UHRF2: variants seen among roughly 807,000 people sequenced by gnomAD.
The protein encoded by UHRF2 is E3 ubiquitin-protein ligase UHRF2.
A neutral mutation model predicts 96.8 loss-of-function variants in UHRF2; 23 were observed. That is an observed-to-expected ratio of 0.24 (90% CI 0.17 to 0.34). The LOEUF (loss-of-function observed/expected upper bound fraction) is 0.34. UHRF2 is among the 10% of genes least tolerant of loss of function. The pLI is 1.00. For missense variants in UHRF2, 685 were observed against 981.5 expected, an observed-to-expected ratio of 0.70 and a Z score of 4.04; for synonymous variants, 385 against 332.6, an observed-to-expected ratio of 1.16 and a Z score of -1.72.
chr9:6,437,262 T>A (rs1170245055), intron 3 of UHRF2, among the ~76,000 whole-genome samples: 1 of 152,234 alleles, frequency 6.6e-6, no homozygotes, highest in Non-Finnish European at 1.5e-5. Flanking sequence ...AGACAGAGTC[T>A]CGTTCTGTTG....
intron 3 of UHRF2, among the ~76,000 whole-genome samples, chr9:6,435,842 C>T (rs1273925691): frequency 6.6e-6 from 1 of 152,130 alleles, no homozygotes; most frequent in Non-Finnish European, 1.5e-5. Flanking sequence ...CTCCTGACCT[C>T]AAGTGATCCA....
chr9:6,434,281 G>A, intron 3 of UHRF2, 108 bp downstream of exon 3: 2 of 1,335,806 alleles, frequency 1.5e-6, no homozygotes, highest in Non-Finnish European at 2.0e-6. Flanking sequence ...ATCCTTTAGA[G>A]GTTATGTTCA....
chr9:6,461,118 A>G (rs1344818359), intron 4 of UHRF2, among the ~76,000 whole-genome samples: 1 of 152,174 alleles, frequency 6.6e-6, no homozygotes, highest in Non-Finnish European at 1.5e-5. Flanking sequence ...TATAATTGCT[A>G]TGAGGATCTG....
intron 1 of UHRF2, among the ~76,000 whole-genome samples, chr9:6,416,193 A>G (rs1033986612): frequency 6.6e-6 from 1 of 151,996 alleles, no homozygotes; most frequent in African/African-American, 2.4e-5. Context: ...TCTCCCAAGT[A>G]GCTGGGACTA....
intron 4 of UHRF2, among the ~76,000 whole-genome samples, chr9:6,464,785 AG>A (rs1180439410): frequency 2.0e-5 from 3 of 152,046 alleles, no homozygotes; most frequent in Non-Finnish European, 4.4e-5. Flanking sequence ...TCTTTGTATC[AG>A]TTCCACACTT....
intron 12 of UHRF2, chr9:6,499,184 A>G (rs1007430905): frequency 5.3e-5 from 8 of 152,252 alleles, no homozygotes; most frequent in African/African-American, 1.9e-4. Context: ...AGTAATAGTC[A>G]TTGAGGCCTG....
rs113880101 is a variant in UHRF2 at position 6,506,212 on chromosome 9, C to T, written c.*33C>T. 1.2e-6 allele frequency: 2 copies of T among 1,608,636 alleles called. No individual in the cohort carries two copies. The highest frequency in any genetic ancestry group is 1.7e-6 in the Non-Finnish European group (2 of 1,176,854). On this transcript the variant is annotated 3_prime_UTR_variant, in exon 16 of 16. Coordinates refer to ENST00000276893, the MANE Select transcript of UHRF2 (RefSeq NM_152896.3). Reference sequence around the variant, plus strand: ...GCTTTCACTGTGTTGTTCATGGTGGCTTTTTGGACAATAAAGAATCTAAAA... The same window carrying T: ...GCTTTCACTGTGTTGTTCATGGTGGTTTTTTGGACAATAAAGAATCTAAAA...
At chr9:6,446,033 C>G (rs533980838) in intron 3 of UHRF2, among the ~76,000 whole-genome samples, 2 of 136,230 alleles carry the variant, frequency 1.5e-5, no homozygotes, top group East Asian at 5.1e-4. Context: ...ACTCCCGTCA[C>G]CCAGGCAGGA....
chr9:6,429,828 G>T (rs1820470680), intron 2 of UHRF2, among the ~76,000 whole-genome samples: 1 of 152,170 alleles, frequency 6.6e-6, no homozygotes, highest in South Asian at 2.1e-4. Flanking sequence ...GATAGATGAA[G>T]AACTTGAACC....
chr9:6,493,535 T>A (rs1250439067), intron 9 of UHRF2, among the ~76,000 whole-genome samples: 2 of 152,204 alleles, frequency 1.3e-5, no homozygotes, highest in African/African-American at 4.8e-5. Flanking sequence ...CATAAGACCT[T>A]ACCTTGTTTG....
intron 9 of UHRF2, 25 bp downstream of exon 9, chr9:6,486,950 A>C (rs763626885): frequency 2.1e-4 from 341 of 1,598,400 alleles, no homozygotes; most frequent in Non-Finnish European, 2.7e-4. Flanking sequence ...AACCTTACTC[A>C]TTAGTACCTG....
intron 13 of UHRF2, 134 bp from the exon 14 acceptor site, chr9:6,500,418 T>C: frequency 1.4e-6 from 1 of 710,100 alleles, no homozygotes; most frequent in Non-Finnish European, 2.2e-6. Flanking sequence ...TCCTAAATTT[T>C]AGGGGAAATT....
At chr9:6,445,706 T>C (rs562178697) in intron 3 of UHRF2, among the ~76,000 whole-genome samples, 1 of 152,146 alleles carries the variant, frequency 6.6e-6, no homozygotes, top group South Asian at 2.1e-4. Flanking sequence ...CACAGGTGCA[T>C]GCCACCATAA....
intron 3 of UHRF2, among the ~76,000 whole-genome samples, chr9:6,453,854 G>A (rs1402311670): frequency 6.6e-6 from 1 of 152,104 alleles, no homozygotes; most frequent in Non-Finnish European, 1.5e-5. Flanking sequence ...ACACTGAGCT[G>A]AGATCATGCC....
chr9:6,451,569 C>T (rs1423214408), intron 3 of UHRF2, among the ~76,000 whole-genome samples: 10 of 151,874 alleles, frequency 6.6e-5, no homozygotes, highest in Admixed American at 1.3e-4. Flanking sequence ...CTCCGCCCCC[C>T]GGGGTTCACA....
intron 3 of UHRF2, among the ~76,000 whole-genome samples, chr9:6,459,881 G>C (rs1043467076): frequency 6.6e-6 from 1 of 152,180 alleles, no homozygotes; most frequent in Admixed American, 6.5e-5. Context: ...GCTCAGGCTC[G>C]GGGATTTCTT....
At chr9:6,475,201 A>G (rs555408952) in intron 4 of UHRF2, among the ~76,000 whole-genome samples, 190 bp from the exon 5 acceptor site, 47 of 152,326 alleles carry the variant, frequency 3.1e-4, no homozygotes, top group Middle Eastern at 6.8e-3. Context: ...ATATTACACT[A>G]TGAATGTTAA....
At position 6,445,802 on chromosome 9, in the gene UHRF2, A is replaced by G. The variant is rs1043280036; in HGVS notation, c.644+11629A>G. 2.0e-5 allele frequency among the ~76,000 whole-genome samples: 3 copies of G among 151,906 alleles called. No individual in the cohort carries two copies. The East Asian group carries it at 5.8e-4, about 29-fold the overall frequency. On this transcript the variant is annotated intron_variant, in intron 3 of 15. Transcript: ENST00000276893. ...TGATCTCAAACTCCTGGGCTCAAGC[A>G]GTCCTTCCCCCTTGGCCTCCCAAAG...
At chr9:6,421,166 C>G in intron 2 of UHRF2, 24 bp downstream of exon 2, 1 of 1,512,268 alleles carries the variant, frequency 6.6e-7, no homozygotes, top group Non-Finnish European at 9.1e-7. Context: ...TTCAGACTTA[C>G]TGTTGTGAGA....
Sources: allele counts gnomAD v4.1 joint callset (sites outside exome capture counted in the v4.1 genomes callset), GRCh38; gene constraint gnomAD v4.1.1; transcripts MANE v1.5; gene names NCBI Gene and HGNC (gene_info 2026-07-23, HGNC 2026-07-21).